The following ADAM12 variants were observed in gnomAD, a reference collection of about 807,000 sequenced individuals.
The protein encoded by ADAM12 is ADAM metallopeptidase domain 12.
Under a neutral mutation model 106.4 loss-of-function variants are expected in ADAM12, and 70 were observed. The observed-to-expected ratio is 0.66, with a 90% confidence interval of 0.54 to 0.80. The LOEUF (loss-of-function observed/expected upper bound fraction) is 0.80. Among genes scored for constraint, ADAM12 ranks in the 30% least tolerant of loss-of-function variants. ADAM12 has a pLI of 0.00. For synonymous variants in ADAM12, 420 were observed against 433.5 expected (o/e 0.97, Z 0.39); for missense variants, 1,010 against 1,171.9 (o/e 0.86, Z 2.02).
chr10:126,201,825 A>G (rs1335129468), intron 3 of ADAM12, among the ~76,000 whole-genome samples: 1 of 152,204 alleles, frequency 6.6e-6, no homozygotes, highest in Non-Finnish European at 1.5e-5. Flanking sequence ...TGATAGAAAG[A>G]AAGACCAGGC....
intron 14 of ADAM12, among the ~76,000 whole-genome samples, chr10:126,056,116 A>G (rs1954624867): frequency 6.6e-6 from 1 of 152,200 alleles, no homozygotes; most frequent in African/African-American, 2.4e-5. Context: ...GAACGATGCG[A>G]GGTTCTAAAG....
intron 3 of ADAM12, among the ~76,000 whole-genome samples, chr10:126,203,538 G>T (rs2133823611): frequency 6.6e-6 from 1 of 152,236 alleles, no homozygotes; most frequent in East Asian, 1.9e-4. Flanking sequence ...AAATACAGAA[G>T]TCAGGAAGAA....
At chr10:126,305,498 A>G (rs1259961352) in intron 2 of ADAM12, among the ~76,000 whole-genome samples, 3 of 152,056 alleles carry the variant, frequency 2.0e-5, no homozygotes, top group Admixed American at 6.5e-5. Context: ...GAACACTACA[A>G]AGGAACTGAC....
At chr10:126,223,974 A>T (rs1003883178) in intron 3 of ADAM12, among the ~76,000 whole-genome samples, 9 of 152,188 alleles carry the variant, frequency 5.9e-5, no homozygotes, top group Admixed American at 3.3e-4. Flanking sequence ...ACTGACCAGG[A>T]TAGTACGGCC....
At chr10:126,376,420 T>C (rs932361459) in intron 1 of ADAM12, among the ~76,000 whole-genome samples, 1 of 152,200 alleles carries the variant, frequency 6.6e-6, no homozygotes. Flanking sequence ...AACTGAGTGA[T>C]AGAAACACAG....
At chr10:126,208,011 T>C (rs1395113638) in intron 3 of ADAM12, among the ~76,000 whole-genome samples, 1 of 152,246 alleles carries the variant, frequency 6.6e-6, no homozygotes, top group African/African-American at 2.4e-5. Context: ...AAGAAAGTTA[T>C]TATTCACAGA....
chr10:126,228,544 C>A (rs1332856113), intron 3 of ADAM12, among the ~76,000 whole-genome samples: 1 of 152,170 alleles, frequency 6.6e-6, no homozygotes, highest in Non-Finnish European at 1.5e-5. Flanking sequence ...ACATCCTACT[C>A]ATAAGTCTAT....
chr10:126,185,534 C>T (rs11244872), intron 3 of ADAM12, among the ~76,000 whole-genome samples: 21,475 of 151,562 alleles, frequency 0.14, 1,657 homozygotes, highest in East Asian at 0.32. Context: ...CATAATGGGG[C>T]CAATTGTGGT....
intron 3 of ADAM12, among the ~76,000 whole-genome samples, chr10:126,266,895 A>G (rs1025830874): frequency 9.2e-5 from 14 of 152,150 alleles, no homozygotes; most frequent in African/African-American, 3.1e-4. Context: ...CACGCAGAAG[A>G]AACCTCTTCC....
intron 2 of ADAM12, among the ~76,000 whole-genome samples, chr10:126,309,066 CA>C (rs771189036): frequency 6.6e-6 from 1 of 152,186 alleles, no homozygotes; most frequent in Non-Finnish European, 1.5e-5. Context: ...CCTGTGATTT[CA>C]GTGGACTATC....
chr10:126,091,170 T>C (rs1955457135), intron 11 of ADAM12, among the ~76,000 whole-genome samples: 1 of 152,236 alleles, frequency 6.6e-6, no homozygotes, highest in African/African-American at 2.4e-5. Flanking sequence ...AACTTTTTGA[T>C]AGTTCCAAAA....
Position 126,129,648 on chromosome 10 carries a change from A to T in ADAM12, c.416+5936T>A, listed in dbSNP as rs1000669752. ...GGAGAATCACAAGCACTTCACCGAA[A>T]CCGTATTAACTGGGAGTTGCGCATC... On this transcript the variant is annotated intron_variant, in intron 5 of 22. Transcript: ENST00000448723. Among the ~76,000 whole-genome samples, 6 of 152,322 alleles carry T rather than the reference A, an allele frequency of 3.9e-5. No homozygotes were observed. In the East Asian group the frequency reaches 5.8e-4, roughly 15 times the overall value.
intron 5 of ADAM12, among the ~76,000 whole-genome samples, chr10:126,124,146 A>G (rs1319691862): frequency 1.3e-5 from 2 of 152,188 alleles, no homozygotes; most frequent in Non-Finnish European, 2.9e-5. Flanking sequence ...ACTGCCTGTA[A>G]TAAGATGATG....
intron 14 of ADAM12, among the ~76,000 whole-genome samples, chr10:126,055,024 A>G (rs1189362819): frequency 6.6e-6 from 1 of 152,176 alleles, no homozygotes; most frequent in Non-Finnish European, 1.5e-5. Context: ...ACTAGTGGAG[A>G]CTGTGGGCTA....
At chr10:126,266,297 A>C (rs1019028660) in intron 3 of ADAM12, among the ~76,000 whole-genome samples, 1 of 152,170 alleles carries the variant, frequency 6.6e-6, no homozygotes, top group Non-Finnish European at 1.5e-5. Flanking sequence ...TCAGGTGACA[A>C]GAGCAGCAGG....
rs763234587 is a variant in ADAM12 at position 126,066,794 on chromosome 10, G to A, written c.1336C>T (p.Arg446Cys). Reference sequence around the variant, plus strand: ...GTACAGGTGGTGGCATTGCAGCAGCGATTCATACATTCCTGGAAAGGGGAA... The same window carrying A: ...GTACAGGTGGTGGCATTGCAGCAGCAATTCATACATTCCTGGAAAGGGGAA... ...DCGEPEECMN[R>C]CCNATTCTLK... Residue 446 changes from arginine (R) to cysteine (C), a missense_variant, in exon 13 of 23, where the codon CGC becomes TGC. Transcript: ENST00000448723. The surrounding 1 kb of genome is among the most constrained non-coding windows in gnomAD (Gnocchi z 5.1). 6.2e-6 allele frequency: 10 copies of A among 1,614,046 alleles called. No individual in the cohort carries two copies. Among genetic ancestry groups the A allele is most frequent in the Admixed American group, 3.3e-5 (2 of 60,018 alleles).
intron 3 of ADAM12, among the ~76,000 whole-genome samples, chr10:126,250,200 A>T (rs1958717941): frequency 6.6e-6 from 1 of 152,206 alleles, no homozygotes; most frequent in African/African-American, 2.4e-5. Context: ...GTATATAAAC[A>T]GGGACTCAAG....
At chr10:126,215,790 C>T (rs1293058020) in intron 3 of ADAM12, among the ~76,000 whole-genome samples, 4 of 152,136 alleles carry the variant, frequency 2.6e-5, no homozygotes, top group African/African-American at 9.7e-5. Flanking sequence ...TTGTCACCCC[C>T]GGCACAACAA....
At chr10:126,273,683 A>G (rs777609345) in intron 3 of ADAM12, among the ~76,000 whole-genome samples, 3 of 152,202 alleles carry the variant, frequency 2.0e-5, no homozygotes, top group Non-Finnish European at 4.4e-5. Flanking sequence ...CAAGAATTAG[A>G]GGTAAAGAGT....
Sources: allele counts gnomAD v4.1 joint callset (sites outside exome capture counted in the v4.1 genomes callset), GRCh38; gene constraint gnomAD v4.1.1; non-coding constraint Gnocchi (gnomAD v3.1); transcripts MANE v1.5; gene names NCBI Gene and HGNC (gene_info 2026-07-23, HGNC 2026-07-21).